RPP14: variants seen among roughly 807,000 people sequenced by gnomAD.
The protein encoded by RPP14 is ribonuclease P/MRP subunit p14.
A neutral mutation model predicts 17.8 loss-of-function variants in RPP14; 19 were observed. That is an observed-to-expected ratio of 1.07 (90% confidence interval 0.74 to 1.57). The LOEUF (loss-of-function observed/expected upper bound fraction) is 1.57, where lower values mean the gene tolerates loss of function less well. Among genes scored for constraint, RPP14 ranks in the 40% most tolerant of loss-of-function variants. RPP14 has a pLI of 0.00. For missense variants in RPP14, 125 were observed against 140.8 expected, an observed-to-expected ratio of 0.89 and a Z score of 0.57; for synonymous variants, 60 against 56.4, an observed-to-expected ratio of 1.06 and a Z score of -0.29.
At chr3:58,317,360 A>G in intron 5 of RPP14, 80 bp from the exon 6 acceptor site, 1 of 927,970 alleles carries the variant, frequency 1.1e-6, no homozygotes, top group Non-Finnish European at 1.7e-6. Context: ...TTTATCCTGT[A>G]AAACTGGGCA....
intron 3 of RPP14, among the ~76,000 whole-genome samples, chr3:58,312,180 A>G (rs1337383226): frequency 6.6e-6 from 1 of 152,174 alleles, no homozygotes; most frequent in African/African-American, 2.4e-5. Flanking sequence ...GGAAACCTCC[A>G]TACTGCTCTC....
chr3:58,316,583 ATG>A lies in RPP14; in HGVS notation c.233_234del (p.Cys78Ter). On this transcript the variant is annotated frameshift_variant, in exon 4 of 6. Coordinates refer to ENST00000295959, the MANE Select transcript of RPP14 (RefSeq NM_007042.6). LOFTEE classifies it high-confidence loss of function. ...EKTLSAILRICSSGLVKLWSS... is the reference protein window; with the variant it reads ...EKTLSAILRIXSSGLVKLWSS... ...AGACCTTGTCAGCCATCTTGAGAAT[ATG>A]TAGCAGGTATGACAGAGAGTGGGAA... The A allele has an allele frequency of 1.9e-6, 3 of 1,613,776 alleles. No individual in the cohort carries two copies. The highest frequency in any genetic ancestry group is 2.5e-6 in the Non-Finnish European group (3 of 1,179,692).
chr3:58,314,516 A>G (rs533404686), intron 3 of RPP14, among the ~76,000 whole-genome samples: 2 of 152,284 alleles, frequency 1.3e-5, no homozygotes, highest in African/African-American at 2.4e-5. Context: ...GGAAATGCAC[A>G]TTAATGACAC....
At chr3:58,310,267 G>A in intron 1 of RPP14, 42 bp from the exon 2 acceptor site, 2 of 1,442,670 alleles carry the variant, frequency 1.4e-6, no homozygotes, top group Admixed American at 1.8e-5. Flanking sequence ...CTGAAAAATA[G>A]CATGTGCATT....
chr3:58,318,640 A>C lies in RPP14; in HGVS notation c.*1144A>C, dbSNP rs944643829. On this transcript the variant is annotated 3_prime_UTR_variant, in exon 6 of 6. Coordinates refer to ENST00000295959, the MANE Select transcript of RPP14 (RefSeq NM_007042.6). ...TGAGAAACTGAGATTGCACCACTGC[A>C]CTGTAGCCTGAGTGACAGAGCGAGA... The C allele has an allele frequency of 6.6e-6, 1 of 152,486 alleles. No individual in the cohort carries two copies. Among genetic ancestry groups the C allele is most frequent in the African/African-American group, 2.4e-5 (1 of 41,322 alleles). 9.4% of individuals were successfully genotyped at this position (152,486 alleles called of 1,614,324 possible).
At chr3:58,309,243 T>C (rs62259330) in intron 1 of RPP14, among the ~76,000 whole-genome samples, 34,630 of 152,158 alleles carry the variant, frequency 0.23, 5,857 homozygotes, top group East Asian at 0.81. Context: ...TTCTTTTTCT[T>C]TGGATAAAGA....
rs2097488848 is a variant in RPP14, at chr3:58,316,899, C to G, written c.240-16C>G. The G allele has an allele frequency of 3.7e-6, 6 of 1,605,350 alleles. No homozygotes were observed. The East Asian group carries it at 1.3e-4, about 36-fold the overall frequency. Reference sequence around the variant, plus strand: ...CTGTCTATGACACACTATGTATTTTCTTGATCTTTCTGCAGTGGTCTTGTC... The same window carrying G: ...CTGTCTATGACACACTATGTATTTTGTTGATCTTTCTGCAGTGGTCTTGTC... On this transcript the variant is annotated splice_polypyrimidine_tract_variant and intron_variant, in intron 4 of 5. Transcript: ENST00000295959.
chr3:58,317,934 T>C lies in RPP14; in HGVS notation c.*438T>C. On this transcript the variant is annotated 3_prime_UTR_variant, in exon 6 of 6. Coordinates refer to ENST00000295959, the MANE Select transcript of RPP14 (RefSeq NM_007042.6). ...AAATGCCAGGGCCAGGCTGTGTATT[T>C]CTTTCCCAGGAAATTAGCTTTCCAG... 1.4e-6 allele frequency: 1 copy of C among 702,922 alleles called. No individual in the cohort carries two copies. Among genetic ancestry groups the C allele is most frequent in the Non-Finnish European group, 2.6e-6 (1 of 384,974 alleles). 43.5% of individuals were successfully genotyped at this position (702,922 alleles called of 1,614,324 possible).
chr3:58,312,523 G>A (rs1247280810), intron 3 of RPP14, among the ~76,000 whole-genome samples: 2 of 152,096 alleles, frequency 1.3e-5, no homozygotes, highest in Non-Finnish European at 2.9e-5. Context: ...ATTCTAATAT[G>A]CCTTCTGTTT....
In RPP14 at chr3:58,316,589, C is replaced by A; in HGVS notation, c.237C>A (p.Ser79Arg). 1 of 1,612,818 alleles carries A rather than the reference C, an allele frequency of 6.2e-7. No individual in the cohort carries two copies. The highest frequency in any genetic ancestry group is 8.5e-7 in the Non-Finnish European group (1 of 1,178,870). Reference protein sequence around the residue: ...KTLSAILRICSSGLVKLWSSL... With the variant: ...KTLSAILRICRSGLVKLWSSL... ...TGTCAGCCATCTTGAGAATATGTAG[C>A]AGGTATGACAGAGAGTGGGAAATTT... Residue 79 changes from serine (S) to arginine (R), a missense_variant and splice_region_variant, in exon 4 of 6, where the codon AGC (serine) becomes AGA (arginine). Transcript: ENST00000295959.
At chr3:58,311,363 C>T (rs947839324) in intron 3 of RPP14, among the ~76,000 whole-genome samples, 1 of 152,194 alleles carries the variant, frequency 6.6e-6, no homozygotes, top group African/African-American at 2.4e-5. Context: ...TCATGTTGGC[C>T]AGGCTGGTCT....
At chr3:58,310,008 T>TG (rs1476129901) in intron 1 of RPP14, 2 of 267,202 alleles carry the variant, frequency 7.5e-6, no homozygotes, top group African/African-American at 4.5e-5. Context: ...GAAACCAGCC[T>TG]GGGCAACATG....
Position 58,318,303 on chromosome 3 carries a change from A to G in RPP14, c.*807A>G, listed in dbSNP as rs1009840722. ...CAGTTTGGCCTTATGCTTCATGCAG[A>G]CTTGAGTGTATGCAGGATTTCATTA... is the stretch of plus-strand genomic sequence containing the variant. On this transcript the variant is annotated 3_prime_UTR_variant, in exon 6 of 6. Transcript: ENST00000295959. 22 of 508,584 alleles carry G rather than the reference A, an allele frequency of 4.3e-5. No homozygotes were observed. The highest frequency in any genetic ancestry group is 5.5e-5 in the Non-Finnish European group (16 of 291,654). The allele number at this position is 508,584 out of a possible 1,614,324, so 31.5% of individuals were successfully genotyped here.
At chr3:58,309,679 C>T (rs551833859) in intron 1 of RPP14, among the ~76,000 whole-genome samples, 5 of 152,298 alleles carry the variant, frequency 3.3e-5, no homozygotes, top group African/African-American at 1.2e-4. Flanking sequence ...ATCACGAGGT[C>T]AGGAGTTCGA....
At chr3:58,315,383 G>T (rs1031498424) in intron 3 of RPP14, among the ~76,000 whole-genome samples, 48 of 152,080 alleles carry the variant, frequency 3.2e-4, no homozygotes, top group Middle Eastern at 3.2e-3. Context: ...GAGGAGTAGG[G>T]GAGGAGGGGT....
chr3:58,309,843 GA>G (rs1160015822), intron 1 of RPP14, among the ~76,000 whole-genome samples: 1 of 152,046 alleles, frequency 6.6e-6, no homozygotes, highest in Non-Finnish European at 1.5e-5. Context: ...AGTGAGCCAA[GA>G]TTGTGCCACT....
At chr3:58,308,948 C>T (rs1025410914) in intron 1 of RPP14, among the ~76,000 whole-genome samples, 1 of 152,244 alleles carries the variant, frequency 6.6e-6, no homozygotes, top group Non-Finnish European at 1.5e-5. Flanking sequence ...AAGGAACTGT[C>T]TACAGAGAGA....
chr3:58,314,673 G>A (rs2097486293), intron 3 of RPP14, among the ~76,000 whole-genome samples: 1 of 106,706 alleles, frequency 9.4e-6, no homozygotes, highest in Non-Finnish European at 1.9e-5. Context: ...TAGTTTGGCA[G>A]TATTTTTTTT....
At chr3:58,306,987 C>T (rs73835145) in intron 1 of RPP14, among the ~76,000 whole-genome samples, 10 of 152,096 alleles carry the variant, frequency 6.6e-5, no homozygotes, top group Non-Finnish European at 1.5e-4. Context: ...ACTGGGCCAA[C>T]CCGATTGAGA....
Sources: allele counts gnomAD v4.1 joint callset (sites outside exome capture counted in the v4.1 genomes callset), GRCh38; gene constraint gnomAD v4.1.1; transcripts MANE v1.5; gene names NCBI Gene and HGNC (gene_info 2026-07-23, HGNC 2026-07-21).